TAFA5: variants seen among roughly 807,000 people sequenced by gnomAD.
The protein encoded by TAFA5 is TAFA chemokine like family member 5.
TAFA5 carries 6 observed loss-of-function variants against 15.3 expected under a neutral mutation model. The ratio of observed to expected loss-of-function variants is 0.39; its 90% CI spans 0.21 to 0.77. The LOEUF (loss-of-function observed/expected upper bound fraction) is 0.77, where lower values mean the gene tolerates loss of function less well. Ranked by LOEUF, TAFA5 falls within the 30% of genes least tolerant of loss-of-function variation. The probability of loss-of-function intolerance (pLI) is 0.41; values close to 1 mark genes in which losing one functional copy is unlikely to be tolerated. For missense variants in TAFA5, 161 were observed against 193.1 expected, an observed-to-expected ratio of 0.83 and a Z score of 0.98; for synonymous variants, 103 against 80.7, an observed-to-expected ratio of 1.28 and a Z score of -1.48.
chr22:48,642,643 C>T (rs1251723644), intron 1 of TAFA5, among the ~76,000 whole-genome samples: 2 of 152,058 alleles, frequency 1.3e-5, no homozygotes, highest in Non-Finnish European at 2.9e-5. Flanking sequence ...GTGTACATGC[C>T]GTGTGTGTGA....
intron 1 of TAFA5, among the ~76,000 whole-genome samples, chr22:48,571,591 T>G (rs1374409572): frequency 4.2e-5 from 6 of 142,890 alleles, no homozygotes; most frequent in East Asian, 4.0e-4. Flanking sequence ...TTTTTTTTTT[T>G]TTTTTTTTTT....
In TAFA5 at chr22:48,500,710, T is replaced by C. The variant is rs190142433; in HGVS notation, c.112+11006T>C. On this transcript the variant is annotated intron_variant, in intron 1 of 3. Transcript: ENST00000402357. ...GGGAAGTGAGTCACCAGTATCTAGCTCGTAGTAGCACTGGGGGACTGGCTG... is the reference window on the plus strand; with the variant it reads ...GGGAAGTGAGTCACCAGTATCTAGCCCGTAGTAGCACTGGGGGACTGGCTG... 7.9e-5 allele frequency among the ~76,000 whole-genome samples: 12 copies of C among 152,356 alleles called. No individual in the cohort carries two copies. In the East Asian group the frequency reaches 2.3e-3, roughly 29 times the overall value.
At chr22:48,594,097 C>T (rs1436921127) in intron 1 of TAFA5, among the ~76,000 whole-genome samples, 1 of 152,218 alleles carries the variant, frequency 6.6e-6, no homozygotes, top group Non-Finnish European at 1.5e-5. Flanking sequence ...AGGCCCTGGT[C>T]ATGCTCCTGT....
intron 1 of TAFA5, among the ~76,000 whole-genome samples, chr22:48,533,009 G>A (rs1423387495): frequency 1.3e-5 from 2 of 152,188 alleles, no homozygotes; most frequent in African/African-American, 4.8e-5. Flanking sequence ...AGGGTGCTGA[G>A]TCCCCAGGCT....
chr22:48,574,790 A>G (rs546186282), intron 1 of TAFA5, among the ~76,000 whole-genome samples: 4 of 152,304 alleles, frequency 2.6e-5, no homozygotes, highest in Non-Finnish European at 4.4e-5. Flanking sequence ...CTCTGGGGCG[A>G]ACCCCTGACG....
intron 1 of TAFA5, among the ~76,000 whole-genome samples, chr22:48,555,079 C>A (rs1922986470): frequency 6.6e-6 from 1 of 152,258 alleles, no homozygotes; most frequent in Admixed American, 6.5e-5. Flanking sequence ...ACGACTCCCA[C>A]TGCAGGGCCA....
At chr22:48,495,501 G>A (rs1928293760) in intron 1 of TAFA5, among the ~76,000 whole-genome samples, 1 of 152,136 alleles carries the variant, frequency 6.6e-6, no homozygotes, top group East Asian at 1.9e-4. Context: ...CCCAGAGGTG[G>A]TGAGAGGCAG....
intron 1 of TAFA5, among the ~76,000 whole-genome samples, chr22:48,581,428 G>C (rs929317507): frequency 2.0e-4 from 30 of 152,234 alleles, no homozygotes; most frequent in Admixed American, 1.6e-3. Context: ...AGTCTCCCAT[G>C]TTGCTGCCGT....
At chr22:48,723,162 C>T (rs1929619995) in intron 3 of TAFA5, among the ~76,000 whole-genome samples, 1 of 152,152 alleles carries the variant, frequency 6.6e-6, no homozygotes, top group African/African-American at 2.4e-5. Context: ...ATTCTCAGCC[C>T]AGCTCTTCAG....
intron 1 of TAFA5, among the ~76,000 whole-genome samples, chr22:48,610,794 C>T (rs1925375964): frequency 6.6e-6 from 1 of 152,216 alleles, no homozygotes; most frequent in Non-Finnish European, 1.5e-5. Context: ...ATGGTGAATG[C>T]AGCCGAGCTG....
chr22:48,569,252 C>T (rs1440490099), intron 1 of TAFA5, among the ~76,000 whole-genome samples: 1 of 152,180 alleles, frequency 6.6e-6, no homozygotes, highest in Non-Finnish European at 1.5e-5. Context: ...GCCGTGGATA[C>T]TCAGACTAAA....
chr22:48,535,469 G>A lies in TAFA5; in HGVS notation c.112+45765G>A, dbSNP rs1024803317. Among the ~76,000 whole-genome samples, 9 of 152,276 alleles carry A rather than the reference G, an allele frequency of 5.9e-5. No individual in the cohort carries two copies. The South Asian group carries it at 6.2e-4, about 10-fold the overall frequency. ...ATGTACACAGTCTGTGTTGCTATAC[G>A]CATATGTGTAGGTGTGAGCACACTG... On this transcript the variant is annotated intron_variant, in intron 1 of 3. Coordinates refer to ENST00000402357, the MANE Select transcript of TAFA5 (RefSeq NM_001082967.3).
intron 1 of TAFA5, among the ~76,000 whole-genome samples, chr22:48,493,819 G>A (rs1601831955): frequency 6.6e-6 from 1 of 152,106 alleles, no homozygotes; most frequent in East Asian, 1.9e-4. Context: ...GACTTCCGAA[G>A]GGACCCCTGG....
At chr22:48,608,276 C>G (rs1240004918) in intron 1 of TAFA5, among the ~76,000 whole-genome samples, 1 of 152,242 alleles carries the variant, frequency 6.6e-6, no homozygotes, top group African/African-American at 2.4e-5. Context: ...AAGAAGCCTC[C>G]TGTTTTCTCG....
At position 48,580,304 on chromosome 22, in the gene TAFA5, C is replaced by T. The variant is rs147916856; in HGVS notation, c.113-66293C>T. On this transcript the variant is annotated intron_variant, in intron 1 of 3. Transcript: ENST00000402357. ...TGGTGTATGAATGGTTATGGCTCCG[C>T]GCAGTCATCATTAATTGATGCTGTC... is the stretch of plus-strand genomic sequence containing the variant. 2.3e-3 allele frequency among the ~76,000 whole-genome samples: 344 copies of T among 152,342 alleles called. 2 individuals are homozygous for T. Among genetic ancestry groups the T allele is most frequent in the Admixed American group, 6.5e-3 (99 of 15,302 alleles).
chr22:48,567,598 G>C (rs1015253222), intron 1 of TAFA5, among the ~76,000 whole-genome samples: 4 of 152,150 alleles, frequency 2.6e-5, no homozygotes, highest in Non-Finnish European at 4.4e-5. Flanking sequence ...GGCCTGAGGA[G>C]AGGGGGGACA....
chr22:48,503,031 C>T (rs1027684706), intron 1 of TAFA5, among the ~76,000 whole-genome samples: 3 of 152,184 alleles, frequency 2.0e-5, no homozygotes, highest in Admixed American at 6.5e-5. Flanking sequence ...CCCAGATCCA[C>T]GCGGGACCTT....
chr22:48,520,237 T>C (rs1921556482), intron 1 of TAFA5, among the ~76,000 whole-genome samples: 1 of 152,224 alleles, frequency 6.6e-6, no homozygotes, highest in African/African-American at 2.4e-5. Context: ...TGAAGATAAT[T>C]CCACTGTGTG....
intron 1 of TAFA5, chr22:48,545,811 C>T (rs1212017640): frequency 6.6e-6 from 1 of 152,638 alleles, no homozygotes; most frequent in Non-Finnish European, 1.5e-5. Flanking sequence ...TCCCCACGGC[C>T]CGTTCCAGTT....
Sources: gnomAD v4.1 joint callset for allele counts (sites outside exome capture counted in the v4.1 genomes callset) on GRCh38, gnomAD v4.1.1 for gene constraint, MANE v1.5 for transcripts, NCBI Gene and HGNC (gene_info 2026-07-23, HGNC 2026-07-21) for gene names.